GPATCH2L: variants seen among roughly 807,000 people sequenced by gnomAD.
The protein encoded by GPATCH2L is G-patch domain containing 2 like, also known as G patch domain-containing protein 2-like.
In GPATCH2L, 31 loss-of-function variants were observed where a neutral mutation model predicts 57.4. That is an observed-to-expected ratio of 0.54 (90% CI 0.41 to 0.73). The LOEUF is 0.73. GPATCH2L is among the 30% of genes least tolerant of loss of function. GPATCH2L has a pLI of 0.00. For missense variants in GPATCH2L, 481 were observed against 599.9 expected, an observed-to-expected ratio of 0.80 and a Z score of 2.07; for synonymous variants, 199 against 210.7, an observed-to-expected ratio of 0.94 and a Z score of 0.48.
chr14:76,213,355 A>C lies in GPATCH2L; in HGVS notation c.*11504A>C, dbSNP rs1409237063. 6.6e-6 allele frequency: 1 copy of C among 152,182 alleles called. No individual in the cohort carries two copies. The highest frequency in any genetic ancestry group is 1.5e-5 in the Non-Finnish European group (1 of 68,022). 9.4% of individuals were successfully genotyped at this position (152,182 alleles called of 1,614,324 possible). A position where few individuals can be genotyped will look rare whatever the true frequency, so the allele number is the denominator to read the frequency against. ...AAAAAATGACATCAAAAGAAATCTA[A>C]TATAACAATTGTCATAGAAGAAATG... On this transcript the variant is annotated 3_prime_UTR_variant, in exon 10 of 10. Coordinates refer to ENST00000261530, the MANE Select transcript of GPATCH2L (RefSeq NM_017926.4).
intron 5 of GPATCH2L, 111 bp from the exon 6 acceptor site, chr14:76,176,510 CAT>C (rs2039334992): frequency 1.2e-5 from 9 of 722,588 alleles, no homozygotes; most frequent in Non-Finnish European, 2.3e-5. Context: ...TGACTTTTAA[CAT>C]GTGCCTTTTG....
chr14:76,178,157 T>A, intron 7 of GPATCH2L, 115 bp downstream of exon 7: 2 of 1,286,688 alleles, frequency 1.6e-6, no homozygotes, highest in South Asian at 2.5e-5. Context: ...TCAACTGTGA[T>A]CATTAGTTTC....
intron 2 of GPATCH2L, among the ~76,000 whole-genome samples, chr14:76,165,130 T>C (rs2139611853): frequency 6.6e-6 from 1 of 152,286 alleles, no homozygotes; most frequent in South Asian, 2.1e-4. Context: ...GTTATAATAA[T>C]TAGGTAATAC....
intron 9 of GPATCH2L, chr14:76,196,443 T>TTG (rs2040154986): frequency 1.0e-5 from 2 of 196,616 alleles, no homozygotes; most frequent in Admixed American, 1.1e-4. Context: ...TTCAGTTTTT[T>TTG]TTTTTTTTTT....
At chr14:76,155,084 T>G in intron 2 of GPATCH2L, 59 bp downstream of exon 2, 60 of 1,362,364 alleles carry the variant, frequency 4.4e-5, no homozygotes, top group Non-Finnish European at 5.5e-5. Context: ...AAAGTGCACA[T>G]CCATGGTCTT....
downstream of GPATCH2L, among the ~76,000 whole-genome samples, chr14:76,219,005 C>CAAAA (rs572896740): frequency 3.4e-4 from 25 of 73,786 alleles, no homozygotes; most frequent in African/African-American, 9.9e-4. Flanking sequence ...TCTAAAAGTA[C>CAAAA]AAAAAAAAAA....
rs1051111969 is a variant in GPATCH2L, at chr14:76,205,575, C to T, written c.*3724C>T. The T allele has an allele frequency of 7.2e-5, 11 of 152,184 alleles. No homozygotes were observed. The highest frequency in any genetic ancestry group is 2.4e-4 in the African/African-American group (10 of 41,444). The allele number at this position is 152,184 out of a possible 1,614,324, so 9.4% of individuals were successfully genotyped here. A position where few individuals can be genotyped will look rare whatever the true frequency, so the allele number is the denominator to read the frequency against. On this transcript the variant is annotated 3_prime_UTR_variant, in exon 10 of 10. Coordinates refer to ENST00000261530, the MANE Select transcript of GPATCH2L (RefSeq NM_017926.4). ...AGTAAAGCACAACACCCTGGACAAG[C>T]GACTAGTTATGACTTCCAAATAGAT...
chr14:76,168,101 A>G (rs2038925181), intron 3 of GPATCH2L, among the ~76,000 whole-genome samples: 1 of 152,204 alleles, frequency 6.6e-6, no homozygotes. Context: ...TTCTGGTGAC[A>G]TTGATGCTTA....
chr14:76,166,995 T>C (rs2038872707), intron 3 of GPATCH2L, among the ~76,000 whole-genome samples: 4 of 152,194 alleles, frequency 2.6e-5, no homozygotes, highest in African/African-American at 9.7e-5. Flanking sequence ...TTGGGAATCA[T>C]TGGTCTAGGT....
chr14:76,174,057 T>G, intron 5 of GPATCH2L: 1 of 172,854 alleles, frequency 5.8e-6, no homozygotes, highest in Non-Finnish European at 1.2e-5. Context: ...ACAAAACTGT[T>G]ACTGAGTTTC....
chr14:76,233,976 T>G (rs1367503326), intron 2 of GPATCH2L, among the ~76,000 whole-genome samples: 1 of 151,944 alleles, frequency 6.6e-6, no homozygotes, highest in African/African-American at 2.4e-5. Context: ...CCATGTGCAG[T>G]GGACACACCT....
chr14:76,206,557 A>G lies in GPATCH2L; in HGVS notation c.*4706A>G, dbSNP rs2139837975. ...GAAGAATGGGGCATGTCATGAAGAC[A>G]TTCAGCAAAGAAGCAATCTTGGCAA... On this transcript the variant is annotated 3_prime_UTR_variant, in exon 10 of 10. Transcript: ENST00000261530. 6.6e-6 allele frequency: 1 copy of G among 152,434 alleles called. No homozygotes were observed. Among genetic ancestry groups the G allele is most frequent in the Non-Finnish European group, 1.5e-5 (1 of 68,072 alleles). 9.4% of individuals were successfully genotyped at this position (152,434 alleles called of 1,614,324 possible).
chr14:76,215,071 A>G (rs1201494797), downstream of GPATCH2L, among the ~76,000 whole-genome samples: 1 of 152,174 alleles, frequency 6.6e-6, no homozygotes, highest in East Asian at 1.9e-4. Context: ...ACCAAAAATT[A>G]TTTCTAAACA....
At chr14:76,223,849 T>C (rs2040525607) in intron 1 of GPATCH2L, among the ~76,000 whole-genome samples, 1 of 152,152 alleles carries the variant, frequency 6.6e-6, no homozygotes, top group Non-Finnish European at 1.5e-5. Context: ...ACATCATTAG[T>C]CACTGAAGAA....
intron 8 of GPATCH2L, among the ~76,000 whole-genome samples, chr14:76,182,083 C>T (rs1271938510): frequency 6.6e-6 from 1 of 152,132 alleles, no homozygotes; most frequent in African/African-American, 2.4e-5. Context: ...AACTGCCGGG[C>T]GCGGTGGCTC....
At chr14:76,183,507 C>T (rs2039653293) in intron 8 of GPATCH2L, among the ~76,000 whole-genome samples, 1 of 152,144 alleles carries the variant, frequency 6.6e-6, no homozygotes, top group Non-Finnish European at 1.5e-5. Context: ...TTAAATTATA[C>T]ATATGTGTCT....
downstream of GPATCH2L, among the ~76,000 whole-genome samples, chr14:76,216,918 T>A (rs971373022): frequency 6.6e-6 from 1 of 151,940 alleles, no homozygotes; most frequent in Non-Finnish European, 1.5e-5. Flanking sequence ...CCTAAGTCAG[T>A]GGGGGAAAAG....
chr14:76,182,851 C>T (rs917511696), intron 8 of GPATCH2L, among the ~76,000 whole-genome samples: 8 of 152,108 alleles, frequency 5.3e-5, no homozygotes, highest in African/African-American at 1.9e-4. Flanking sequence ...TGTCAAGGCT[C>T]AGGGAGATCT....
intron 2 of GPATCH2L, among the ~76,000 whole-genome samples, chr14:76,160,424 A>G (rs1277635742): frequency 2.0e-5 from 3 of 152,190 alleles, no homozygotes; most frequent in Non-Finnish European, 2.9e-5. Flanking sequence ...CTCTATTGCT[A>G]CAGAAAAAAA....
Sources: gnomAD v4.1 joint callset for allele counts (sites outside exome capture counted in the v4.1 genomes callset) on GRCh38, gnomAD v4.1.1 for gene constraint, MANE v1.5 for transcripts, NCBI Gene and HGNC (gene_info 2026-07-23, HGNC 2026-07-21) for gene names.